The following RC3H1 variants were observed in gnomAD, a reference collection of about 807,000 sequenced individuals.
RC3H1 encodes roquin-1.
RC3H1 carries 50 observed loss-of-function variants against 138.2 expected under a neutral mutation model. The observed-to-expected ratio is 0.36, with a 90% CI of 0.29 to 0.46. The LOEUF (loss-of-function observed/expected upper bound fraction) is 0.46, where lower values mean the gene tolerates loss of function less well. Ranked by LOEUF, RC3H1 falls within the 20% of genes least tolerant of loss-of-function variation. The probability of loss-of-function intolerance (pLI) is 1.00; values close to 1 mark genes in which losing one functional copy is unlikely to be tolerated. For synonymous variants in RC3H1, 462 were observed against 489.1 expected (o/e 0.94, Z 0.73); for missense variants, 1,031 against 1,388.1 (o/e 0.74, Z 4.09).
chr1:173,988,598 T>A (rs936739496), intron 2 of RC3H1, among the ~76,000 whole-genome samples: 4 of 152,256 alleles, frequency 2.6e-5, no homozygotes, highest in Non-Finnish European at 5.9e-5. Flanking sequence ...GGTAAATACC[T>A]ACTATGTTAA....
At position 173,961,734 on chromosome 1, in the gene RC3H1, C is replaced by T. The variant is rs184550773; in HGVS notation, c.2193G>A (p.Ser731=). ...VAPHPTQIRP[S]YLREPPYSRL... ...AAAAAATACAGCATACTCTGAGGTACGAAGGTCTGATCTGAGTTGGATGAG... is the reference window on the plus strand; with the variant it reads ...AAAAAATACAGCATACTCTGAGGTATGAAGGTCTGATCTGAGTTGGATGAG... Residue 731 remains serine (S), a synonymous_variant, in exon 12 of 20, where the codon TCG becomes TCA. Coordinates refer to ENST00000367696, the MANE Select transcript of RC3H1 (RefSeq NM_172071.4). 10 of 1,610,674 alleles carry T rather than the reference C, an allele frequency of 6.2e-6. No homozygotes were observed. Among genetic ancestry groups the T allele is most frequent in the Non-Finnish European group, 6.8e-6 (8 of 1,179,006 alleles).
At chr1:173,997,987 C>G (rs1661496543) in intron 1 of RC3H1, among the ~76,000 whole-genome samples, 1 of 152,280 alleles carries the variant, frequency 6.6e-6, no homozygotes, top group East Asian at 1.9e-4. Flanking sequence ...ATATACTCTT[C>G]AACCACAACA....
chr1:173,934,282 G>A lies in RC3H1; in HGVS notation c.*4439C>T, dbSNP rs1453214230. On this transcript the variant is annotated 3_prime_UTR_variant, in exon 20 of 20. Transcript: ENST00000367696. ...GACTATAGTTAGTTATTTCTCACCA[G>A]TCACATACTCAAGAATTCTTTTACT... is the stretch of plus-strand genomic sequence containing the variant. 1.3e-5 allele frequency: 2 copies of A among 151,992 alleles called. No individual in the cohort carries two copies. The highest frequency in any genetic ancestry group is 2.9e-5 in the Non-Finnish European group (2 of 67,992). The allele number at this position is 151,992 out of a possible 1,614,324, so 9.4% of individuals were successfully genotyped here.
chr1:173,996,364 G>A (rs981075843), intron 1 of RC3H1, among the ~76,000 whole-genome samples: 8 of 152,040 alleles, frequency 5.3e-5, no homozygotes, highest in East Asian at 1.9e-4. Context: ...ATTAGTCTAC[G>A]TATTAATATA....
chr1:173,961,083 C>T lies in RC3H1; in HGVS notation c.2364G>A (p.Pro788=), dbSNP rs767287361. Residue 788 remains proline, a synonymous_variant, in exon 13 of 20, where the codon CCG becomes CCA. Coordinates refer to ENST00000367696, the MANE Select transcript of RC3H1 (RefSeq NM_172071.4). ...CTAAAAATGATTTGCTTACTTCTTC[C>T]GGATGAAAGGTAGGAGGCAAGGTTG... is the stretch of plus-strand genomic sequence containing the variant. ...PSPTLPPTFH[P]EEFLDEDLKV... is the part of the protein sequence containing the mutation. 59 of 1,611,626 alleles carry T rather than the reference C, an allele frequency of 3.7e-5. No individual in the cohort carries two copies. Among genetic ancestry groups the T allele is most frequent in the South Asian group, 7.7e-5 (7 of 90,710 alleles).
At chr1:174,018,378 G>A (rs1251135997) in intron 1 of RC3H1, among the ~76,000 whole-genome samples, 9 of 152,060 alleles carry the variant, frequency 5.9e-5, no homozygotes, top group Admixed American at 5.9e-4. Context: ...TATTATATAA[G>A]TAAACAGGCA....
intron 2 of RC3H1, among the ~76,000 whole-genome samples, chr1:173,991,096 A>G (rs944593032): frequency 2.0e-5 from 3 of 152,112 alleles, no homozygotes; most frequent in African/African-American, 7.2e-5. Context: ...TGGGTATGGT[A>G]GTGCACACCT....
intron 1 of RC3H1, among the ~76,000 whole-genome samples, chr1:174,005,745 T>C (rs1247013325): frequency 6.6e-6 from 1 of 152,188 alleles, no homozygotes; most frequent in Admixed American, 6.5e-5. Context: ...GTGCTTAATT[T>C]AAACCTATCT....
chr1:174,015,612 G>A (rs933444933), intron 1 of RC3H1, among the ~76,000 whole-genome samples: 6 of 151,552 alleles, frequency 4.0e-5, no homozygotes, highest in Admixed American at 2.6e-4. Context: ...TGACCTACCC[G>A]CCTCAGCCTC....
At chr1:174,005,312 AC>A (rs1403161259) in intron 1 of RC3H1, among the ~76,000 whole-genome samples, 1 of 152,226 alleles carries the variant, frequency 6.6e-6, no homozygotes, top group African/African-American at 2.4e-5. Context: ...TAGCAGAACT[AC>A]CAAACTAAAC....
intron 12 of RC3H1, 24 bp downstream of exon 12, chr1:173,961,701 G>T: frequency 6.3e-7 from 1 of 1,587,922 alleles, no homozygotes; most frequent in Non-Finnish European, 8.6e-7. Flanking sequence ...TTAAGTCTAT[G>T]TAATAAAAAA....
At position 173,943,554 on chromosome 1, in the gene RC3H1, G is replaced by A. The variant is rs1262435862; in HGVS notation, c.3023C>T (p.Pro1008Leu). 1.2e-6 allele frequency: 2 copies of A among 1,614,088 alleles called. No individual in the cohort carries two copies. The highest frequency in any genetic ancestry group is 1.7e-6 in the Non-Finnish European group (2 of 1,179,990). Residue 1008 changes from proline to leucine, a missense_variant, in exon 18 of 20, where the codon CCC (proline) becomes CTC (leucine). Coordinates refer to ENST00000367696, the MANE Select transcript of RC3H1 (RefSeq NM_172071.4). ...CCATTTTGGAGGTGGCGGTGGTGGG[G>A]GCTGTGACTGGCCTGCCAGGGTGTT... ...EANTLAGQSQ[P>L]PPPPPPKWPG...
chr1:174,008,853 G>T (rs1987872), intron 1 of RC3H1, among the ~76,000 whole-genome samples: 48,801 of 151,456 alleles, frequency 0.32, 13,075 homozygotes, highest in African/African-American at 0.74. Context: ...GGCGGGCACC[G>T]GTAATCCCAG....
At chr1:173,942,014 G>GT (rs1658892070) in intron 18 of RC3H1, among the ~76,000 whole-genome samples, 1 of 145,360 alleles carries the variant, frequency 6.9e-6, no homozygotes, top group African/African-American at 2.6e-5. Flanking sequence ...TGAGGTGGGC[G>GT]TATCACCCGA....
intron 2 of RC3H1, among the ~76,000 whole-genome samples, chr1:173,985,981 T>C (rs1192246081): frequency 1.3e-5 from 2 of 152,226 alleles, no homozygotes; most frequent in African/African-American, 2.4e-5. Flanking sequence ...GCAAAGATAG[T>C]ACACAGAATT....
chr1:173,941,048 T>C (rs1303082227), intron 19 of RC3H1, among the ~76,000 whole-genome samples: 1 of 152,114 alleles, frequency 6.6e-6, no homozygotes, highest in East Asian at 1.9e-4. Flanking sequence ...TCTCCATCTC[T>C]TGACCTCGTG....
At position 173,942,423 on chromosome 1, in the gene RC3H1, A is replaced by G. The variant is rs1377919125; in HGVS notation, c.3135+1019T>C. On this transcript the variant is annotated intron_variant, in intron 18 of 19. Coordinates refer to ENST00000367696, the MANE Select transcript of RC3H1 (RefSeq NM_172071.4). Reference sequence around the variant, plus strand: ...CCTCCACCCTGGGTGACAGAGACTCAGTCTCAAAAAAAAAAAAAAAAAAAA... The same window carrying G: ...CCTCCACCCTGGGTGACAGAGACTCGGTCTCAAAAAAAAAAAAAAAAAAAA... Among the ~76,000 whole-genome samples the G allele has an allele frequency of 2.5e-5, 3 of 119,310 alleles. No homozygotes were observed. In the South Asian group the frequency reaches 1.0e-3, roughly 40 times the overall value. 78.3% of individuals were successfully genotyped at this position (119,310 alleles called of 152,430 possible). A position where few individuals can be genotyped will look rare whatever the true frequency, so the allele number is the denominator to read the frequency against.
chr1:173,988,067 C>T (rs943771706), intron 2 of RC3H1, among the ~76,000 whole-genome samples: 1 of 152,186 alleles, frequency 6.6e-6, no homozygotes, highest in Non-Finnish European at 1.5e-5. Flanking sequence ...CTACCTTTCT[C>T]CTACACCCCT....
intron 1 of RC3H1, among the ~76,000 whole-genome samples, chr1:174,007,433 C>G (rs1661675366): frequency 6.6e-6 from 1 of 151,646 alleles, no homozygotes; most frequent in African/African-American, 2.4e-5. Context: ...AGTATGTATT[C>G]TTTTGTACTT....
Sources: gnomAD v4.1 joint callset for allele counts (sites outside exome capture counted in the v4.1 genomes callset) on GRCh38, gnomAD v4.1.1 for gene constraint, MANE v1.5 for transcripts, NCBI Gene and HGNC (gene_info 2026-07-23, HGNC 2026-07-21) for gene names.